B3GALT1: variants seen among roughly 807,000 people sequenced by gnomAD.
The protein encoded by B3GALT1 is UDP-Gal:betaGlcNAc beta 1,3-galactosyltransferase, polypeptide 1.
In B3GALT1, 10 loss-of-function variants were observed where a neutral mutation model predicts 23.2. That is an observed-to-expected ratio of 0.43 (90% CI 0.27 to 0.73). The LOEUF (loss-of-function observed/expected upper bound fraction) is 0.73, where lower values mean the gene tolerates loss of function less well. Ranked by LOEUF, B3GALT1 falls within the 30% of genes least tolerant of loss-of-function variation. B3GALT1 has a pLI of 0.21. For synonymous variants in B3GALT1, 156 were observed against 141.5 expected (o/e 1.10, Z -0.73); for missense variants, 299 against 405.4 (o/e 0.74, Z 2.25).
At chr2:167,654,950 CATGTAAGAGA>C (rs938910571) in intron 3 of B3GALT1, among the ~76,000 whole-genome samples, 5 of 151,888 alleles carry the variant, frequency 3.3e-5, no homozygotes, top group African/African-American at 1.2e-4. Flanking sequence ...AATGAAGGCC[CATGTAAGAGA>C]ATTAATGAAA....
At chr2:167,824,032 A>G (rs1319952016) in intron 4 of B3GALT1, among the ~76,000 whole-genome samples, 3 of 152,252 alleles carry the variant, frequency 2.0e-5, no homozygotes, top group Middle Eastern at 3.2e-3. Flanking sequence ...GTGGAACACA[A>G]CAGTTTCCTC....
At chr2:167,678,140 G>A (rs987787974) in intron 3 of B3GALT1, among the ~76,000 whole-genome samples, 3 of 152,114 alleles carry the variant, frequency 2.0e-5, no homozygotes, top group Admixed American at 6.5e-5. Context: ...TCTGCTCTCT[G>A]GGATGTTTTC....
intron 1 of B3GALT1, among the ~76,000 whole-genome samples, chr2:167,405,639 A>T (rs1028491613): frequency 6.6e-6 from 1 of 152,102 alleles, no homozygotes; most frequent in Non-Finnish European, 1.5e-5. Flanking sequence ...CTTTGTGTAT[A>T]TATATATTTG....
At chr2:167,488,299 A>G (rs935135310) in intron 1 of B3GALT1, among the ~76,000 whole-genome samples, 4 of 152,176 alleles carry the variant, frequency 2.6e-5, no homozygotes, top group Non-Finnish European at 4.4e-5. Flanking sequence ...CCTTCTCCCA[A>G]TGCTACAGTG....
Position 167,681,993 on chromosome 2 carries a change from A to T in B3GALT1, c.-352+35027A>T, listed in dbSNP as rs115239133. ...TCCATATTCCAATAATTCTAAAATAATGAATTTTTGTTTTTTTAAGAAAAT... is the reference window on the plus strand; with the variant it reads ...TCCATATTCCAATAATTCTAAAATATTGAATTTTTGTTTTTTTAAGAAAAT... On this transcript the variant is annotated intron_variant, in intron 3 of 4. Coordinates refer to ENST00000392690, the MANE Select transcript of B3GALT1 (RefSeq NM_020981.4). Among the ~76,000 whole-genome samples, 419 of 152,322 alleles carry T rather than the reference A, an allele frequency of 2.8e-3. 4 individuals carry two copies. Among genetic ancestry groups the T allele is most frequent in the African/African-American group, 9.8e-3 (406 of 41,572 alleles).
At chr2:167,563,470 TC>T in intron 2 of B3GALT1, among the ~76,000 whole-genome samples, 1 of 103,484 alleles carries the variant, frequency 9.7e-6, no homozygotes. Context: ...GCTCCTCACT[TC>T]CCAGTAGGGG....
intron 2 of B3GALT1, among the ~76,000 whole-genome samples, chr2:167,517,862 C>T (rs1031624087): frequency 6.6e-6 from 1 of 152,064 alleles, no homozygotes; most frequent in Non-Finnish European, 1.5e-5. Flanking sequence ...TAGTCCCAAA[C>T]AATCGTAGGA....
intron 1 of B3GALT1, among the ~76,000 whole-genome samples, chr2:167,370,673 A>G (rs1253177727): frequency 6.6e-6 from 1 of 152,154 alleles, no homozygotes; most frequent in Non-Finnish European, 1.5e-5. Flanking sequence ...CTCTGTCTCC[A>G]TGGTGTTTAT....
intron 1 of B3GALT1, among the ~76,000 whole-genome samples, chr2:167,430,883 G>T (rs1023669015): frequency 4.6e-5 from 7 of 152,196 alleles, no homozygotes; most frequent in African/African-American, 1.7e-4. Context: ...CTCAGAGAAT[G>T]CAGTATACAT....
chr2:167,653,683 C>T lies in B3GALT1; in HGVS notation c.-352+6717C>T, dbSNP rs116749473. Among the ~76,000 whole-genome samples, 432 of 152,212 alleles carry T rather than the reference C, an allele frequency of 2.8e-3. 5 individuals are homozygous for T. The highest frequency in any genetic ancestry group is 0.026 in the East Asian group (134 of 5,166). On this transcript the variant is annotated intron_variant, in intron 3 of 4. Coordinates refer to ENST00000392690, the MANE Select transcript of B3GALT1 (RefSeq NM_020981.4). Reference sequence around the variant, plus strand: ...GCTCCTAATAGGCTTCCTCATTTGCCGAGCAGTACCTGCACCCAGTGTCGA... The same window carrying T: ...GCTCCTAATAGGCTTCCTCATTTGCTGAGCAGTACCTGCACCCAGTGTCGA...
At chr2:167,483,612 T>TC (rs1187245995) in intron 1 of B3GALT1, among the ~76,000 whole-genome samples, 2 of 152,142 alleles carry the variant, frequency 1.3e-5, no homozygotes, top group African/African-American at 4.8e-5. Flanking sequence ...ACTGGCTTTT[T>TC]CCCCTAGGTT....
intron 2 of B3GALT1, among the ~76,000 whole-genome samples, chr2:167,522,498 A>G (rs376023556): frequency 9.9e-5 from 15 of 152,144 alleles, no homozygotes; most frequent in African/African-American, 3.1e-4. Context: ...TCTCTTGCCA[A>G]TATCCGAGAT....
At chr2:167,778,874 C>T (rs1241254168) in intron 3 of B3GALT1, among the ~76,000 whole-genome samples, 1 of 152,170 alleles carries the variant, frequency 6.6e-6, no homozygotes, top group Non-Finnish European at 1.5e-5. Context: ...GGGAGGGGAC[C>T]ACACAGAGCA....
intron 3 of B3GALT1, among the ~76,000 whole-genome samples, chr2:167,697,267 A>G (rs1686803253): frequency 1.3e-5 from 2 of 152,358 alleles, no homozygotes; most frequent in South Asian, 4.1e-4. Context: ...GTTGAGATGA[A>G]TAAACAAGGA....
intron 3 of B3GALT1, among the ~76,000 whole-genome samples, chr2:167,802,139 A>G (rs1688648481): frequency 6.6e-6 from 1 of 152,228 alleles, no homozygotes; most frequent in African/African-American, 2.4e-5. Context: ...TAGCCACACT[A>G]CAAGTGATAT....
chr2:167,674,568 A>G (rs1245249463), intron 3 of B3GALT1, among the ~76,000 whole-genome samples: 3 of 152,238 alleles, frequency 2.0e-5, no homozygotes, highest in Non-Finnish European at 4.4e-5. Flanking sequence ...TAAATAGTCC[A>G]TCCAGAGTTC....
chr2:167,822,624 A>C (rs1286078721), intron 4 of B3GALT1, among the ~76,000 whole-genome samples: 1 of 152,092 alleles, frequency 6.6e-6, no homozygotes, highest in Non-Finnish European at 1.5e-5. Flanking sequence ...ACAGGCATAC[A>C]TTTCTTTTCG....
Position 167,447,066 on chromosome 2 carries a change from GTTT to G in B3GALT1, c.-510-43109_-510-43107del, listed in dbSNP as rs148577503. ...TTGTGGATGTCCTTTCTGTTTGTTA[GTTT>G]TCCTTCTAACAGTCAGGACCATCAG... On this transcript the variant is annotated intron_variant, in intron 1 of 4. Transcript: ENST00000392690. 5.6e-3 allele frequency among the ~76,000 whole-genome samples: 849 copies of G among 152,270 alleles called. 9 individuals carry two copies. Among genetic ancestry groups the G allele is most frequent in the African/African-American group, 0.02 (813 of 41,564 alleles).
At chr2:167,333,329 G>A (rs909093438) in intron 1 of B3GALT1, among the ~76,000 whole-genome samples, 1 of 152,196 alleles carries the variant, frequency 6.6e-6, no homozygotes, top group East Asian at 1.9e-4. Flanking sequence ...AACAACTGGT[G>A]CCGACAGGTG....
Sources: allele counts gnomAD v4.1 joint callset (sites outside exome capture counted in the v4.1 genomes callset), GRCh38; gene constraint gnomAD v4.1.1; transcripts MANE v1.5; gene names NCBI Gene and HGNC (gene_info 2026-07-23, HGNC 2026-07-21).